The following PCDHA1 variants were observed in gnomAD, a reference collection of about 807,000 sequenced individuals.
PCDHA1 encodes the protein protocadherin alpha 1.
In PCDHA1, 42 loss-of-function variants were observed where a neutral mutation model predicts 61.3. The observed-to-expected ratio is 0.69, with a 90% confidence interval of 0.54 to 0.89. The LOEUF (loss-of-function observed/expected upper bound fraction) is 0.89, where lower values mean the gene tolerates loss of function less well. PCDHA1 is among the 40% of genes least tolerant of loss of function. The pLI, the probability that PCDHA1 is intolerant of heterozygous loss-of-function variation, is 0.00. For missense variants in PCDHA1, 1,256 were observed against 1,235.3 expected, an observed-to-expected ratio of 1.02 and a Z score of -0.25; for synonymous variants, 610 against 553.8, an observed-to-expected ratio of 1.10 and a Z score of -1.43.
intron 1 of PCDHA1, among the ~76,000 whole-genome samples, chr5:140,903,073 T>C (rs1181656778): frequency 6.6e-6 from 1 of 152,196 alleles, no homozygotes; most frequent in Admixed American, 6.5e-5. Context: ...TTTGGGTAGA[T>C]ACCTGATAGT....
chr5:140,927,948 C>G, intron 1 of PCDHA1: 4 of 1,614,190 alleles, frequency 2.5e-6, no homozygotes, highest in Non-Finnish European at 3.4e-6. Flanking sequence ...TACCTGAGGA[C>G]GCTGCCCCTG....
chr5:140,968,818 T>A, intron 1 of PCDHA1: 1 of 1,614,188 alleles, frequency 6.2e-7, no homozygotes, highest in South Asian at 1.1e-5. Context: ...TGGATAGGGT[T>A]TCCAAAATCC....
chr5:140,849,155 C>G (rs1169680334), intron 1 of PCDHA1: 5 of 1,223,436 alleles, frequency 4.1e-6, no homozygotes, highest in Non-Finnish European at 4.5e-6. Context: ...GAGGCAAACC[C>G]GAGCTGACTG....
At chr5:140,828,147 T>C (rs1554131033) in intron 1 of PCDHA1, 4 of 1,614,128 alleles carry the variant, frequency 2.5e-6, no homozygotes, top group African/African-American at 1.3e-5. Context: ...CTCCCGCTTC[T>C]GCTCCTCGCA....
chr5:140,795,576 A>C, intron 1 of PCDHA1: 1 of 1,614,172 alleles, frequency 6.2e-7, no homozygotes, highest in Non-Finnish European at 8.5e-7. Context: ...ACAGAGAGGA[A>C]ACTGCTGAGG....
At chr5:140,856,907 A>G (rs2044265676) in intron 1 of PCDHA1, 3 of 1,596,440 alleles carry the variant, frequency 1.9e-6, no homozygotes, top group African/African-American at 2.7e-5. Context: ...GGTCCCACCC[A>G]CGATAAGAAG....
intron 3 of PCDHA1, among the ~76,000 whole-genome samples, chr5:140,996,287 A>C (rs1200123512): frequency 2.0e-5 from 3 of 152,258 alleles, no homozygotes; most frequent in African/African-American, 4.8e-5. Context: ...AAATTTCAAG[A>C]AGCACAGATT....
intron 1 of PCDHA1, among the ~76,000 whole-genome samples, chr5:140,907,806 A>G (rs1046843294): frequency 2.6e-5 from 4 of 152,192 alleles, no homozygotes; most frequent in Non-Finnish European, 5.9e-5. Flanking sequence ...AGTGGTGTCC[A>G]CAGAACGAGT....
chr5:140,834,743 C>A (rs2150225305), intron 1 of PCDHA1: 4 of 1,614,056 alleles, frequency 2.5e-6, no homozygotes, highest in African/African-American at 1.3e-5. Context: ...TCCATGTGGA[C>A]GTGGAGGTGA....
chr5:140,802,702 G>A (rs1554122295), intron 1 of PCDHA1: 6 of 1,612,366 alleles, frequency 3.7e-6, no homozygotes, highest in East Asian at 2.2e-5. Flanking sequence ...GTGGGGGAGC[G>A]CGCGCTGTCG....
intron 3 of PCDHA1, among the ~76,000 whole-genome samples, chr5:140,986,030 C>T (rs1190318789): frequency 2.6e-5 from 4 of 152,174 alleles, no homozygotes; most frequent in Non-Finnish European, 2.9e-5. Flanking sequence ...TGAGCCACTG[C>T]GCCTGGCCTC....
At chr5:140,850,141 T>G in intron 1 of PCDHA1, 1 of 1,595,586 alleles carries the variant, frequency 6.3e-7, no homozygotes, top group Non-Finnish European at 8.6e-7. Context: ...GGCAGCAACG[T>G]GACGCTGCAG....
At chr5:140,843,679 C>T (rs2150364894) in intron 1 of PCDHA1, 1 of 1,589,886 alleles carries the variant, frequency 6.3e-7, no homozygotes, top group Non-Finnish European at 8.6e-7. Flanking sequence ...TTGATGTAGG[C>T]GAAGAGCAAG....
rs2150499479 is a variant in PCDHA1 at position 140,850,817 on chromosome 5, G to C, written c.2394+62133G>C. ...AGACCGACCTCATGGCCTTCAGCCC[G>C]GGCCTTTCTCCTTGTGCTGGATCTA... On this transcript the variant is annotated intron_variant, in intron 1 of 3. Transcript: ENST00000504120. 44 of 1,598,178 alleles carry C rather than the reference G, an allele frequency of 2.8e-5. 6 individuals carry two copies. The highest frequency in any genetic ancestry group is 1.7e-4 in the South Asian group (15 of 90,550).
At chr5:140,963,168 T>G (rs1554226465) in intron 1 of PCDHA1, among the ~76,000 whole-genome samples, 1 of 152,160 alleles carries the variant, frequency 6.6e-6, no homozygotes, top group East Asian at 1.9e-4. Flanking sequence ...ACATGCCATC[T>G]TACAGATATG....
intron 1 of PCDHA1, chr5:140,827,987 AT>A (rs1769477096): frequency 3.4e-6 from 5 of 1,461,712 alleles, no homozygotes; most frequent in Non-Finnish European, 4.6e-6. Context: ...TGACTGTTGA[AT>A]GATGGCGGAC....
chr5:140,832,284 T>C (rs1771894843), intron 1 of PCDHA1, among the ~76,000 whole-genome samples: 1 of 152,202 alleles, frequency 6.6e-6, no homozygotes, highest in Non-Finnish European at 1.5e-5. Context: ...TAAGCATGAA[T>C]GGTGTATTTG....
At chr5:140,886,772 G>A (rs910164045) in intron 1 of PCDHA1, among the ~76,000 whole-genome samples, 16 of 143,450 alleles carry the variant, frequency 1.1e-4, no homozygotes, top group Non-Finnish European at 1.8e-4. Flanking sequence ...GTTGCAGTGA[G>A]ATGAGATCAT....
intron 1 of PCDHA1, among the ~76,000 whole-genome samples, chr5:140,910,717 T>C (rs1349205242): frequency 1.3e-5 from 2 of 152,142 alleles, no homozygotes; most frequent in African/African-American, 4.8e-5. Flanking sequence ...CATCTTTTAA[T>C]CCATATTTCA....
Sources: gnomAD v4.1 joint callset for allele counts (sites outside exome capture counted in the v4.1 genomes callset) on GRCh38, gnomAD v4.1.1 for gene constraint, MANE v1.5 for transcripts, NCBI Gene and HGNC (gene_info 2026-07-23, HGNC 2026-07-21) for gene names.